GRM5: variants seen among roughly 807,000 people sequenced by gnomAD.
The protein encoded by GRM5 is metabotropic glutamate receptor 5.
GRM5 carries 19 observed loss-of-function variants against 83.1 expected under a neutral mutation model. The observed-to-expected ratio is 0.23, with a 90% CI of 0.16 to 0.34. The LOEUF (loss-of-function observed/expected upper bound fraction) is 0.34, where lower values mean the gene tolerates loss of function less well. Among genes scored for constraint, GRM5 ranks in the 10% least tolerant of loss-of-function variants. The pLI is 1.00. For missense variants in GRM5, 1,160 were observed against 1,588.3 expected, an observed-to-expected ratio of 0.73 and a Z score of 4.58; for synonymous variants, 675 against 633.6, an observed-to-expected ratio of 1.07 and a Z score of -0.98.
chr11:89,001,372 T>G (rs1281271995), intron 2 of GRM5, among the ~76,000 whole-genome samples: 1 of 152,120 alleles, frequency 6.6e-6, no homozygotes, highest in Non-Finnish European at 1.5e-5. Context: ...TATATCCATA[T>G]CAGGGGACAG....
chr11:88,671,867 G>C (rs1940202145), intron 3 of GRM5, among the ~76,000 whole-genome samples: 1 of 152,058 alleles, frequency 6.6e-6, no homozygotes. Context: ...AAATGGGCTT[G>C]TTAATTTCAT....
At chr11:88,799,352 G>A (rs1943345101) in intron 3 of GRM5, among the ~76,000 whole-genome samples, 1 of 151,960 alleles carries the variant, frequency 6.6e-6, no homozygotes, top group African/African-American at 2.4e-5. Context: ...TTAAGTTAGG[G>A]ACTATAAAAC....
chr11:88,752,081 T>C (rs532750256), intron 3 of GRM5, among the ~76,000 whole-genome samples: 2 of 152,168 alleles, frequency 1.3e-5, no homozygotes, highest in South Asian at 2.1e-4. Flanking sequence ...CTATTAAACA[T>C]AGTATTGAAA....
At chr11:88,578,481 T>C (rs985964659) in intron 7 of GRM5, among the ~76,000 whole-genome samples, 1 of 152,174 alleles carries the variant, frequency 6.6e-6, no homozygotes, top group African/African-American at 2.4e-5. Context: ...GCCATTGTTT[T>C]GGTCAGACCA....
rs901824019 is a variant in GRM5 at position 88,751,121 on chromosome 11, A to G, written c.912-97718T>C. On this transcript the variant is annotated intron_variant, in intron 3 of 9. Transcript: ENST00000305447. ...CAAAGAACAAAATCAGAGTGGAAAT[A>G]AAGGAAATAGAGACATGCAAAACCC... Among the ~76,000 whole-genome samples, 7 of 150,870 alleles carry G rather than the reference A, an allele frequency of 4.6e-5. 1 individual carries two copies. Among genetic ancestry groups the G allele is most frequent in the African/African-American group, 1.7e-4 (7 of 41,270 alleles).
intron 2 of GRM5, among the ~76,000 whole-genome samples, chr11:88,968,057 T>C (rs563397567): frequency 1.8e-4 from 27 of 152,220 alleles, no homozygotes; most frequent in African/African-American, 6.3e-4. Context: ...AATTGAGAGA[T>C]TTAGGACTGC....
intron 2 of GRM5, among the ~76,000 whole-genome samples, chr11:88,925,138 C>T (rs1452278867): frequency 1.3e-5 from 2 of 151,750 alleles, no homozygotes; most frequent in African/African-American, 4.8e-5. Flanking sequence ...CGATTGGCCT[C>T]AAGATAGACA....
chr11:88,925,732 C>A (rs1387154547), intron 2 of GRM5: 1 of 453,392 alleles, frequency 2.2e-6, no homozygotes, highest in South Asian at 1.5e-5. Flanking sequence ...GCCAAGATGA[C>A]AAAACCACAA....
chr11:88,912,017 T>C (rs1431237307), intron 2 of GRM5: 3 of 469,132 alleles, frequency 6.4e-6, no homozygotes, highest in Non-Finnish European at 1.3e-5. Flanking sequence ...AGTTGGGGTG[T>C]TGATGAGAAG....
At chr11:88,984,435 T>G (rs1390391483) in intron 2 of GRM5, among the ~76,000 whole-genome samples, 3 of 152,196 alleles carry the variant, frequency 2.0e-5, no homozygotes, top group African/African-American at 7.2e-5. Context: ...AAGTGTAGCG[T>G]AGGCTATCCC....
intron 3 of GRM5, among the ~76,000 whole-genome samples, chr11:88,680,637 C>A (rs1370952841): frequency 1.3e-5 from 2 of 152,168 alleles, no homozygotes; most frequent in Non-Finnish European, 2.9e-5. Flanking sequence ...TGGGTATATA[C>A]CCAAAGGATT....
At chr11:88,534,418 G>T (rs1469271641) in intron 8 of GRM5, among the ~76,000 whole-genome samples, 3 of 152,196 alleles carry the variant, frequency 2.0e-5, no homozygotes, top group African/African-American at 4.8e-5. Flanking sequence ...TGTGAGACAT[G>T]AAGTCAAAGG....
chr11:88,757,734 G>A (rs929881155), intron 3 of GRM5, among the ~76,000 whole-genome samples: 12 of 152,176 alleles, frequency 7.9e-5, no homozygotes, highest in Non-Finnish European at 1.5e-4. Context: ...CCCTGCTGCA[G>A]TCAATGAGTG....
rs150291251 is a variant in GRM5, at chr11:88,620,028, T to C, written c.1148-15064A>G. Reference sequence around the variant, plus strand: ...CAGTTATGCACAGTGGATGATACCATATTTTTTCTGCTGTGACAGAAGGGC... The same window carrying C: ...CAGTTATGCACAGTGGATGATACCACATTTTTTCTGCTGTGACAGAAGGGC... On this transcript the variant is annotated intron_variant, in intron 4 of 9. Transcript: ENST00000305447. Among the ~76,000 whole-genome samples, 604 of 152,340 alleles carry C rather than the reference T, an allele frequency of 4.0e-3. 3 individuals carry two copies. The highest frequency in any genetic ancestry group is 0.014 in the African/African-American group (577 of 41,590).
At chr11:88,603,405 G>T (rs1938054025) in intron 5 of GRM5, among the ~76,000 whole-genome samples, 3 of 152,226 alleles carry the variant, frequency 2.0e-5, no homozygotes. Context: ...AAATTCCTGT[G>T]CAGGTATCTG....
At chr11:88,666,797 C>T (rs2135325690) in intron 3 of GRM5, among the ~76,000 whole-genome samples, 1 of 152,296 alleles carries the variant, frequency 6.6e-6, no homozygotes, top group East Asian at 1.9e-4. Flanking sequence ...AAACAAGCAA[C>T]AGCAAATTCT....
intron 4 of GRM5, among the ~76,000 whole-genome samples, chr11:88,619,877 GA>G (rs545074277): frequency 6.6e-6 from 1 of 151,802 alleles, no homozygotes; most frequent in Non-Finnish European, 1.5e-5. Flanking sequence ...TATACATCTG[GA>G]AAACACCACT....
chr11:88,908,023 G>A (rs1050413910), intron 2 of GRM5, among the ~76,000 whole-genome samples: 1 of 152,058 alleles, frequency 6.6e-6, no homozygotes, highest in African/African-American at 2.4e-5. Context: ...GGAGAAAGTG[G>A]TTATAAAACA....
Position 88,509,197 on chromosome 11 carries a change from C to A in GRM5, c.3034G>T (p.Ala1012Ser). The change falls in exon 10 of 10, where the codon GCG (alanine) becomes TCG (serine). Residue 1012 changes from alanine to serine, a missense_variant. Ala to Ser is a moderately conservative substitution (Grantham distance 99). Transcript: ENST00000305447. Reference sequence around the variant, plus strand: ...GACGGTGAGCGCGGCCGCGCGGGCGCCGGGAAGTGCTCCTCAGCCTCGGCC... The same window carrying A: ...GACGGTGAGCGCGGCCGCGCGGGCGACGGGAAGTGCTCCTCAGCCTCGGCC... ...DVAEAEEHFP[A>S]PARPRSPSPI... The A allele has an allele frequency of 6.5e-7, 1 of 1,533,968 alleles. No homozygotes were observed. Among genetic ancestry groups the A allele is most frequent in the Non-Finnish European group, 8.8e-7 (1 of 1,142,782 alleles).
Sources: allele counts gnomAD v4.1 joint callset (sites outside exome capture counted in the v4.1 genomes callset), GRCh38; gene constraint gnomAD v4.1.1; transcripts MANE v1.5; gene names NCBI Gene and HGNC (gene_info 2026-07-23, HGNC 2026-07-21).